Variants in EHMT1 observed in about 807,000 individuals in gnomAD.
EHMT1 encodes the protein histone-lysine N-methyltransferase EHMT1.
EHMT1 carries 15 observed loss-of-function variants against 147.2 expected under a neutral mutation model. The observed-to-expected ratio is 0.10, with a 90% CI of 0.07 to 0.16. EHMT1 has a LOEUF of 0.16. EHMT1 is among the 10% of genes least tolerant of loss of function. EHMT1 has a pLI of 1.00. For missense variants in EHMT1, 1,587 were observed against 1,772.4 expected (o/e 0.90, Z 1.88); for synonymous variants, 795 against 709.6 (o/e 1.12, Z -1.91).
rs534706146 is a variant in EHMT1, at chr9:137,804,914, CAT to C, written c.2712+3931_2712+3932del. Among the ~76,000 whole-genome samples the C allele has an allele frequency of 1.6e-3, 238 of 152,308 alleles. 1 individual carries two copies. Among genetic ancestry groups the C allele is most frequent in the African/African-American group, 2.5e-3 (103 of 41,560 alleles). On this transcript the variant is annotated intron_variant, in intron 18 of 26. Transcript: ENST00000460843. ...AGTCAGTTACCCATGTGTTATTCCACATGTGTCAGTCATTTGCATGTCTGTCA... is the reference window on the plus strand; with the variant it reads ...AGTCAGTTACCCATGTGTTATTCCACGTGTCAGTCATTTGCATGTCTGTCA...
intron 25 of EHMT1, among the ~76,000 whole-genome samples, chr9:137,820,752 T>C (rs1158857764): frequency 1.3e-5 from 2 of 152,258 alleles, no homozygotes; most frequent in Non-Finnish European, 2.9e-5. Flanking sequence ...GCAGTGTGGC[T>C]CTTGTCATAG....
In EHMT1 at chr9:137,787,537, G is replaced by A. The variant is rs1588707786; in HGVS notation, c.2383-3311G>A. On this transcript the variant is annotated intron_variant, in intron 15 of 26. Coordinates refer to ENST00000460843, the MANE Select transcript of EHMT1 (RefSeq NM_024757.5). This position sits in a 1 kb window ranked among gnomAD's most constrained non-coding sequence, Gnocchi z 4.2. ...ACGTGGGGTAGTTAGTAAACACCAT[G>A]GACTCCCAGCAAGGCTGCTGCCTGG... is the stretch of plus-strand genomic sequence containing the variant. 1 of 405,438 alleles carries A rather than the reference G, an allele frequency of 2.5e-6. No individual in the cohort carries two copies. The highest frequency in any genetic ancestry group is 5.4e-5 in the East Asian group (1 of 18,616). 25.1% of individuals were successfully genotyped at this position (405,438 alleles called of 1,614,324 possible). A position where few individuals can be genotyped will look rare whatever the true frequency, so the allele number is the denominator to read the frequency against.
intron 1 of EHMT1, chr9:137,650,738 C>G (rs1372527824): frequency 7.0e-6 from 1 of 141,882 alleles, no homozygotes; most frequent in African/African-American, 2.6e-5. Flanking sequence ...GTGATCACAA[C>G]TCACTGCAAC....
chr9:137,804,093 A>G (rs1315953954), intron 18 of EHMT1, among the ~76,000 whole-genome samples: 4 of 152,188 alleles, frequency 2.6e-5, no homozygotes, highest in Admixed American at 2.6e-4. Flanking sequence ...GGAGCATTGT[A>G]CCACACTTTA....
intron 16 of EHMT1, 68 bp from the exon 17 acceptor site, chr9:137,798,745 C>T (rs1448517610): frequency 9.9e-6 from 13 of 1,308,276 alleles, no homozygotes; most frequent in Non-Finnish European, 1.3e-5. Flanking sequence ...TCCTGGATCC[C>T]GCACTCAGGG....
At chr9:137,713,101 A>G (rs1944889148) in intron 2 of EHMT1, among the ~76,000 whole-genome samples, 3 of 151,854 alleles carry the variant, frequency 2.0e-5, no homozygotes, top group Non-Finnish European at 2.9e-5. Context: ...GTGAGGGTTT[A>G]TTGTAAGATT....
chr9:137,658,290 A>G (rs898662526), intron 1 of EHMT1, among the ~76,000 whole-genome samples: 2 of 152,076 alleles, frequency 1.3e-5, no homozygotes, highest in African/African-American at 4.8e-5. Flanking sequence ...AGCTGGCATT[A>G]CAGGCTGGTG....
chr9:137,776,446 A>G lies in EHMT1; in HGVS notation c.1792-172A>G, dbSNP rs1392034872. ...GTGGGGCGAGAGCACCACGGGAAGC[A>G]TCGTTCCTCCTTCTTAACGATGCCT... On this transcript the variant is annotated intron_variant, in intron 11 of 26. Transcript: ENST00000460843. This position sits in a 1 kb window ranked among gnomAD's most constrained non-coding sequence, Gnocchi z 4.4. 1.6e-6 allele frequency: 1 copy of G among 633,670 alleles called. No individual in the cohort carries two copies. Among genetic ancestry groups the G allele is most frequent in the Non-Finnish European group, 2.8e-6 (1 of 358,528 alleles). 39.3% of individuals were successfully genotyped at this position (633,670 alleles called of 1,614,324 possible).
chr9:137,710,921 G>A lies in EHMT1; in HGVS notation c.22-46G>A, dbSNP rs772400637. On this transcript the variant is annotated intron_variant, in intron 1 of 26. Transcript: ENST00000460843. ...CCAAATGATGTCCATTTGGAAAAGC[G>A]GCCTCCCACTGAACCCGGCTGACGG... 1.9e-5 allele frequency: 30 copies of A among 1,561,078 alleles called. No homozygotes were observed. The Middle Eastern group carries it at 5.0e-4, about 26-fold the overall frequency.
intron 1 of EHMT1, among the ~76,000 whole-genome samples, chr9:137,680,704 G>A (rs554665913): frequency 6.6e-6 from 1 of 152,336 alleles, no homozygotes; most frequent in Admixed American, 6.5e-5. Context: ...TTCCAGAGAG[G>A]CCTCAGTGTG....
At chr9:137,833,985 GC>G (rs1338250959) in intron 25 of EHMT1, 11 of 314,348 alleles carry the variant, frequency 3.5e-5, no homozygotes, top group African/African-American at 1.8e-4. Context: ...TGCAGCCCCG[GC>G]CTCCTTTCTC....
rs533629942 is a variant in EHMT1, at chr9:137,770,031, T to C, written c.1648-5078T>C. 4.6e-5 allele frequency among the ~76,000 whole-genome samples: 7 copies of C among 152,200 alleles called. No individual in the cohort carries two copies. The South Asian group carries it at 1.5e-3, about 32-fold the overall frequency. Reference sequence around the variant, plus strand: ...TTTGTATTTTTAGTAGAGACAGGGTTTTGTCATCTTGCCCAGGCTGGTGTG... The same window carrying C: ...TTTGTATTTTTAGTAGAGACAGGGTCTTGTCATCTTGCCCAGGCTGGTGTG... On this transcript the variant is annotated intron_variant, in intron 10 of 26. Transcript: ENST00000460843.
At chr9:137,694,163 C>T (rs1197422208) in intron 1 of EHMT1, among the ~76,000 whole-genome samples, 2 of 125,114 alleles carry the variant, frequency 1.6e-5, no homozygotes, top group African/African-American at 3.2e-5. Flanking sequence ...CACACAGGGG[C>T]GCAGGACGCT....
intron 25 of EHMT1, chr9:137,832,827 T>C (rs554617819): frequency 6.6e-6 from 1 of 152,372 alleles, no homozygotes; most frequent in Admixed American, 6.5e-5. Flanking sequence ...TTGCTGCTTA[T>C]CAAGACCTTC....
chr9:137,694,127 T>G (rs1459136751), intron 1 of EHMT1, among the ~76,000 whole-genome samples: 2 of 76,528 alleles, frequency 2.6e-5, no homozygotes, highest in Non-Finnish European at 4.9e-5. Flanking sequence ...CCCCACACAG[T>G]GGCGCAGGAC....
chr9:137,694,509 C>CGTTGGTCGGCAGTCTT (rs968459430), intron 1 of EHMT1, among the ~76,000 whole-genome samples: 1 of 152,196 alleles, frequency 6.6e-6, no homozygotes, highest in East Asian at 1.9e-4. Flanking sequence ...GAGGCAGTCT[C>CGTTGGTCGGCAGTCTT]GTTGGTCGGC....
intron 1 of EHMT1, among the ~76,000 whole-genome samples, chr9:137,705,056 T>C (rs912528549): frequency 6.7e-6 from 1 of 149,846 alleles, no homozygotes; most frequent in Non-Finnish European, 1.5e-5. Context: ...GGTACAACCT[T>C]GTTTCAAGGA....
intron 1 of EHMT1, among the ~76,000 whole-genome samples, chr9:137,650,290 G>C (rs1937655053): frequency 6.6e-6 from 1 of 151,926 alleles, no homozygotes; most frequent in South Asian, 2.1e-4. Context: ...TTTAGAATGG[G>C]GTTTCACCAT....
intron 3 of EHMT1, among the ~76,000 whole-genome samples, chr9:137,722,314 T>C (rs1305216763): frequency 6.6e-6 from 1 of 152,266 alleles, no homozygotes; most frequent in Non-Finnish European, 1.5e-5. Flanking sequence ...AGTGATCGCT[T>C]TTTTCTGGAT....
Sources: allele counts gnomAD v4.1 joint callset (sites outside exome capture counted in the v4.1 genomes callset), GRCh38; gene constraint gnomAD v4.1.1; non-coding constraint Gnocchi (gnomAD v3.1); transcripts MANE v1.5; gene names NCBI Gene and HGNC (gene_info 2026-07-23, HGNC 2026-07-21).